FOXJ3: variants seen among roughly 807,000 people sequenced by gnomAD.
FOXJ3 encodes forkhead box protein J3.
FOXJ3 carries 22 observed loss-of-function variants against 76.1 expected under a neutral mutation model. The observed-to-expected ratio is 0.29, with a 90% CI of 0.21 to 0.41. The LOEUF is 0.41. Ranked by LOEUF, FOXJ3 falls within the 10% of genes least tolerant of loss-of-function variation. FOXJ3 has a pLI of 1.00. For missense variants in FOXJ3, 613 were observed against 762.1 expected, an observed-to-expected ratio of 0.80 and a Z score of 2.30; for synonymous variants, 269 against 261.2, an observed-to-expected ratio of 1.03 and a Z score of -0.29.
At chr1:42,215,147 T>G (rs566787069) in intron 5 of FOXJ3, among the ~76,000 whole-genome samples, 1 of 152,140 alleles carries the variant, frequency 6.6e-6, no homozygotes, top group Non-Finnish European at 1.5e-5. Context: ...GAAAGGGAAA[T>G]CTACAGATGC....
intron 2 of FOXJ3, among the ~76,000 whole-genome samples, chr1:42,289,150 G>C (rs1031744568): frequency 1.3e-5 from 2 of 151,266 alleles, no homozygotes; most frequent in Non-Finnish European, 3.0e-5. Flanking sequence ...TCAGTCTTTT[G>C]GTCTCTTCTT....
In FOXJ3 at chr1:42,314,110, A is replaced by AT. The variant is rs34737907; in HGVS notation, c.-17-3001dup. 3.7e-3 allele frequency among the ~76,000 whole-genome samples: 557 copies of AT among 152,070 alleles called. 5 individuals carry two copies. Among genetic ancestry groups the AT allele is most frequent in the African/African-American group, 0.013 (520 of 41,466 alleles). On this transcript the variant is annotated intron_variant, in intron 1 of 12. Coordinates refer to ENST00000361346, the MANE Select transcript of FOXJ3 (RefSeq NM_014947.5). ...TCTTACTCTTTGTTAGAGCAGACTA[A>AT]TTTTTTTTCCAACTCTTAGTCTCTA...
intron 4 of FOXJ3, among the ~76,000 whole-genome samples, chr1:42,255,349 A>G (rs1460706523): frequency 6.6e-6 from 1 of 152,214 alleles, no homozygotes; most frequent in Non-Finnish European, 1.5e-5. Flanking sequence ...AAGCTCTAGA[A>G]TGACTACTAA....
chr1:42,284,986 T>A (rs945661128), intron 2 of FOXJ3, among the ~76,000 whole-genome samples: 3 of 152,214 alleles, frequency 2.0e-5, no homozygotes, highest in African/African-American at 7.2e-5. Flanking sequence ...TGTCACTAGA[T>A]CTTTTGTTTA....
intron 1 of FOXJ3, among the ~76,000 whole-genome samples, chr1:42,326,689 T>C (rs1328102719): frequency 1.3e-5 from 2 of 152,212 alleles, no homozygotes; most frequent in Non-Finnish European, 2.9e-5. Flanking sequence ...CAAGTAAAAA[T>C]GCTTCCAATG....
At chr1:42,315,717 A>G (rs1298708939) in intron 1 of FOXJ3, among the ~76,000 whole-genome samples, 3 of 152,242 alleles carry the variant, frequency 2.0e-5, no homozygotes, top group African/African-American at 7.2e-5. Context: ...TAAGGTTCAC[A>G]TTGAAGTCAG....
intron 2 of FOXJ3, among the ~76,000 whole-genome samples, chr1:42,287,331 C>T (rs1297039110): frequency 1.3e-5 from 2 of 151,898 alleles, no homozygotes. Flanking sequence ...CAGAGTGAGA[C>T]TCCATCTTAA....
chr1:42,264,830 T>C, intron 4 of FOXJ3: 1 of 338,376 alleles, frequency 3.0e-6, no homozygotes, highest in Non-Finnish European at 5.4e-6. Context: ...AATAATGAAT[T>C]ATGGTTCCTG....
intron 1 of FOXJ3, among the ~76,000 whole-genome samples, chr1:42,312,814 C>T (rs773672425): frequency 1.3e-5 from 2 of 152,174 alleles, no homozygotes; most frequent in Admixed American, 6.5e-5. Context: ...AAGAGAACTG[C>T]CAGGAAAACT....
At chr1:42,214,700 T>G (rs557884594) in intron 5 of FOXJ3, among the ~76,000 whole-genome samples, 38 of 152,264 alleles carry the variant, frequency 2.5e-4, no homozygotes, top group Admixed American at 3.9e-4. Flanking sequence ...TGCCCCAAGA[T>G]TAGGCAATAG....
intron 5 of FOXJ3, among the ~76,000 whole-genome samples, chr1:42,224,269 G>A (rs1236352053): frequency 6.6e-6 from 1 of 152,060 alleles, no homozygotes; most frequent in Non-Finnish European, 1.5e-5. Context: ...ACCATTATAT[G>A]ATTAAAAAAT....
chr1:42,308,226 A>G (rs1654584106), intron 2 of FOXJ3, among the ~76,000 whole-genome samples: 1 of 152,222 alleles, frequency 6.6e-6, no homozygotes, highest in Non-Finnish European at 1.5e-5. Context: ...GATAGTATAT[A>G]CAAGGTAGTA....
intron 3 of FOXJ3, among the ~76,000 whole-genome samples, chr1:42,277,796 CAAAAAAAA>C (rs889209417): frequency 4.9e-4 from 1 of 2,036 alleles, no homozygotes; most frequent in Non-Finnish European, 1.6e-3. Context: ...GACTCCGTCT[CAAAAAAAA>C]AAAAAAAAAA....
chr1:42,237,451 CACATACATACATATACATATATATGTAT>C (rs2124506382), intron 4 of FOXJ3, among the ~76,000 whole-genome samples: 1 of 142,680 alleles, frequency 7.0e-6, no homozygotes, highest in Non-Finnish European at 1.5e-5. Flanking sequence ...TATATATATA[CACATACATACATATACATATATATGTAT>C]ATATATATAT....
intron 1 of FOXJ3, among the ~76,000 whole-genome samples, chr1:42,331,904 G>A (rs1656188010): frequency 6.6e-6 from 1 of 151,914 alleles, no homozygotes; most frequent in Non-Finnish European, 1.5e-5. Flanking sequence ...ACATAAGTTT[G>A]TTTCTTTTTT....
At chr1:42,260,854 A>G (rs1650978186) in intron 4 of FOXJ3, among the ~76,000 whole-genome samples, 1 of 152,190 alleles carries the variant, frequency 6.6e-6, no homozygotes, top group African/African-American at 2.4e-5. Flanking sequence ...AAACTCTTCT[A>G]TGAATTAACT....
At chr1:42,231,922 A>G (rs964374901) in intron 4 of FOXJ3, among the ~76,000 whole-genome samples, 6 of 152,158 alleles carry the variant, frequency 3.9e-5, no homozygotes, top group South Asian at 2.1e-4. Context: ...AACATTAGGT[A>G]TATCTCCTAA....
chr1:42,189,837 T>C (rs955456234), intron 9 of FOXJ3: 1 of 157,856 alleles, frequency 6.3e-6, no homozygotes, highest in African/African-American at 2.4e-5. Flanking sequence ...TCCTGTCTTC[T>C]TATGACCTTA....
At chr1:42,256,405 A>C (rs1650589566) in intron 4 of FOXJ3, among the ~76,000 whole-genome samples, 1 of 152,240 alleles carries the variant, frequency 6.6e-6, no homozygotes, top group Non-Finnish European at 1.5e-5. Flanking sequence ...ATTTTTTCTA[A>C]GTCAAAAGAA....
Sources: gnomAD v4.1 joint callset for allele counts (sites outside exome capture counted in the v4.1 genomes callset) on GRCh38, gnomAD v4.1.1 for gene constraint, MANE v1.5 for transcripts, NCBI Gene and HGNC (gene_info 2026-07-23, HGNC 2026-07-21) for gene names.